EHMT1: variants seen among roughly 807,000 people sequenced by gnomAD.
The protein encoded by EHMT1 is histone-lysine N-methyltransferase EHMT1.
EHMT1 carries 15 observed loss-of-function variants against 147.2 expected under a neutral mutation model. The ratio of observed to expected loss-of-function variants is 0.10; its 90% CI spans 0.07 to 0.16. The LOEUF (loss-of-function observed/expected upper bound fraction) is 0.16. Among genes scored for constraint, EHMT1 ranks in the 10% least tolerant of loss-of-function variants. The pLI is 1.00. For missense variants in EHMT1, 1,587 were observed against 1,772.4 expected, an observed-to-expected ratio of 0.90 and a Z score of 1.88; for synonymous variants, 795 against 709.6, an observed-to-expected ratio of 1.12 and a Z score of -1.91.
intron 10 of EHMT1, chr9:137,763,036 G>A (rs1374255238): frequency 1.6e-6 from 1 of 643,400 alleles, no homozygotes; most frequent in East Asian, 2.7e-5. Context: ...GGAGGACTGT[G>A]TAGACAAAGT....
chr9:137,818,209 T>C, intron 25 of EHMT1, 71 bp downstream of exon 25: 1 of 1,511,220 alleles, frequency 6.6e-7, no homozygotes, highest in Non-Finnish European at 9.2e-7. Context: ...TTTGTCCCAG[T>C]AGGGCTGGGA....
In EHMT1 at chr9:137,779,733, C is replaced by T. The variant is rs372556737; in HGVS notation, c.2275+16C>T. ...CTCATGCTGGGTAAGTGCCTTCCTG[C>T]GGCCCGGGCACATGCAGCCGGCCCT... is the stretch of plus-strand genomic sequence containing the variant. On this transcript the variant is annotated intron_variant, in intron 14 of 26. Transcript: ENST00000460843. 450 of 1,612,634 alleles carry T rather than the reference C, an allele frequency of 2.8e-4. No homozygotes were observed. The highest frequency in any genetic ancestry group is 3.5e-4 in the Non-Finnish European group (416 of 1,179,884).
In EHMT1 at chr9:137,775,603, G is replaced by A. The variant is rs1460095119; in HGVS notation, c.1791+351G>A. On this transcript the variant is annotated intron_variant, in intron 11 of 26. Coordinates refer to ENST00000460843, the MANE Select transcript of EHMT1 (RefSeq NM_024757.5). This position sits in a 1 kb window ranked among gnomAD's most constrained non-coding sequence, Gnocchi z 6.1. ...TCGAGAGCAGTGGTGAGGGGCTTGT[G>A]ACGCACTGGAGACTCCAGGTGGAGG... 6.6e-6 allele frequency among the ~76,000 whole-genome samples: 1 copy of A among 151,872 alleles called. No homozygotes were observed. Among genetic ancestry groups the A allele is most frequent in the Non-Finnish European group, 1.5e-5 (1 of 67,908 alleles).
intron 25 of EHMT1, among the ~76,000 whole-genome samples, chr9:137,829,873 AC>A (rs1466159653): frequency 6.6e-6 from 1 of 152,164 alleles, no homozygotes; most frequent in Non-Finnish European, 1.5e-5. Context: ...TCGACTGGCC[AC>A]CCCGAGCATC....
At chr9:137,742,568 T>A (rs1948195453) in intron 4 of EHMT1, among the ~76,000 whole-genome samples, 1 of 151,904 alleles carries the variant, frequency 6.6e-6, no homozygotes, top group South Asian at 2.1e-4. Flanking sequence ...AGTCATGGAG[T>A]CTGATTATAT....
rs1490274493 is a variant in EHMT1 at position 137,811,288 on chromosome 9, G to A, written c.2713-173G>A. ...AGTGCCTTCCAGAGTTGAGATGGGCGCTAGGTTCCCATCCGGTGACCTGTG... is the reference window on the plus strand; with the variant it reads ...AGTGCCTTCCAGAGTTGAGATGGGCACTAGGTTCCCATCCGGTGACCTGTG... On this transcript the variant is annotated intron_variant, in intron 18 of 26. Coordinates refer to ENST00000460843, the MANE Select transcript of EHMT1 (RefSeq NM_024757.5). 9.9e-5 allele frequency among the ~76,000 whole-genome samples: 15 copies of A among 152,202 alleles called. No individual in the cohort carries two copies. In the East Asian group the frequency reaches 2.9e-3, roughly 29 times the overall value.
At chr9:137,640,726 CT>C (rs1022633487) in intron 1 of EHMT1, among the ~76,000 whole-genome samples, 1 of 152,166 alleles carries the variant, frequency 6.6e-6, no homozygotes, top group African/African-American at 2.4e-5. Flanking sequence ...GAAAGTTGTT[CT>C]TTTTTCCATA....
intron 1 of EHMT1, among the ~76,000 whole-genome samples, chr9:137,667,791 G>A (rs1301323800): frequency 2.0e-5 from 3 of 152,138 alleles, no homozygotes; most frequent in South Asian, 2.1e-4. Context: ...GGAGGAAAAC[G>A]CTGTTGTGCT....
chr9:137,704,981 TC>T (rs1380038170), intron 1 of EHMT1, among the ~76,000 whole-genome samples: 1 of 143,780 alleles, frequency 7.0e-6, no homozygotes, highest in East Asian at 2.3e-4. Context: ...CTCTCTCTCT[TC>T]CTTTTCCATT....
At chr9:137,632,266 C>T (rs1230315365) in intron 1 of EHMT1, among the ~76,000 whole-genome samples, 3 of 152,072 alleles carry the variant, frequency 2.0e-5, no homozygotes, top group Admixed American at 2.0e-4. Context: ...CTGCCCTGGG[C>T]TAGGATGGTG....
chr9:137,740,159 C>T (rs1947923918), intron 4 of EHMT1, among the ~76,000 whole-genome samples: 2 of 152,330 alleles, frequency 1.3e-5, no homozygotes, highest in South Asian at 4.1e-4. Flanking sequence ...TCCTGCAGAG[C>T]AGCTGGGCAG....
intron 1 of EHMT1, among the ~76,000 whole-genome samples, chr9:137,686,581 G>A (rs1212775876): frequency 6.6e-6 from 1 of 151,794 alleles, no homozygotes; most frequent in Non-Finnish European, 1.5e-5. Context: ...GTAGAGACCA[G>A]GGTTTGCCAT....
chr9:137,631,082 G>A (rs1016636950), intron 1 of EHMT1, among the ~76,000 whole-genome samples: 4 of 152,102 alleles, frequency 2.6e-5, no homozygotes, highest in African/African-American at 7.2e-5. Flanking sequence ...ACAGTTACAT[G>A]GTTCAAAATT....
chr9:137,655,735 G>T (rs895308135), intron 1 of EHMT1, among the ~76,000 whole-genome samples: 1 of 152,180 alleles, frequency 6.6e-6, no homozygotes, highest in Admixed American at 6.5e-5. Context: ...CGAGGACCCT[G>T]TTGTGAACTG....
In EHMT1 at chr9:137,817,537, C is replaced by T. The variant is rs766595169; in HGVS notation, c.3461+12C>T. On this transcript the variant is annotated intron_variant, in intron 24 of 26. Transcript: ENST00000460843. ...ACCTTTGTCTGCGAGTGAGTGAGTC[C>T]CTGGGTCACCCCAAGCCTGGTGTCA... is the stretch of plus-strand genomic sequence containing the variant. 9 of 1,614,112 alleles carry T rather than the reference C, an allele frequency of 5.6e-6. No individual in the cohort carries two copies. Among genetic ancestry groups the T allele is most frequent in the South Asian group, 1.1e-5 (1 of 91,082 alleles).
chr9:137,767,757 G>A (rs1037479616), intron 10 of EHMT1, among the ~76,000 whole-genome samples: 4 of 152,088 alleles, frequency 2.6e-5, no homozygotes, highest in South Asian at 4.1e-4. Context: ...AGATTGCAGC[G>A]TGCCAAGATC....
intron 1 of EHMT1, among the ~76,000 whole-genome samples, chr9:137,688,691 C>T (rs1408780506): frequency 1.3e-5 from 2 of 152,214 alleles, no homozygotes; most frequent in Non-Finnish European, 2.9e-5. Flanking sequence ...CAACCGCTAT[C>T]CACTTGATTA....
Position 137,813,184 on chromosome 9 carries a change from C to G in EHMT1, c.3035+11C>G, listed in dbSNP as rs758448536. On this transcript the variant is annotated intron_variant, in intron 20 of 26. Transcript: ENST00000460843. The surrounding 1 kb of genome is among the most constrained non-coding windows in gnomAD (Gnocchi z 4.9). ...GAGGATAGTGAGCAGGTGAGCCCAG[C>G]CCCAGGACGGCTTTGTGGCAAATCA... is the stretch of plus-strand genomic sequence containing the variant. 2 of 1,606,740 alleles carry G rather than the reference C, an allele frequency of 1.2e-6. No individual in the cohort carries two copies. The highest frequency in any genetic ancestry group is 2.2e-5 in the East Asian group (1 of 44,886).
chr9:137,714,802 G>A (rs997655364), intron 2 of EHMT1, among the ~76,000 whole-genome samples: 2 of 151,992 alleles, frequency 1.3e-5, no homozygotes, highest in Admixed American at 6.6e-5. Flanking sequence ...TGCCTCCTTG[G>A]CCTCCCAAAG....
Sources: gnomAD v4.1 joint callset for allele counts (sites outside exome capture counted in the v4.1 genomes callset) on GRCh38, gnomAD v4.1.1 for gene constraint, Gnocchi (gnomAD v3.1) non-coding constraint, MANE v1.5 for transcripts, NCBI Gene and HGNC (gene_info 2026-07-23, HGNC 2026-07-21) for gene names.